Variants in NUP93 observed in about 807,000 individuals in gnomAD.
NUP93 encodes the protein nuclear pore complex protein Nup93.
NUP93 carries 55 observed loss-of-function variants against 107.8 expected under a neutral mutation model. That is an observed-to-expected ratio of 0.51 (90% CI 0.41 to 0.64). The LOEUF (loss-of-function observed/expected upper bound fraction) is 0.64, where lower values mean the gene tolerates loss of function less well. NUP93 is among the 30% of genes least tolerant of loss of function. The pLI is 0.00. For missense variants in NUP93, 937 were observed against 1,044.7 expected (o/e 0.90, Z 1.42); for synonymous variants, 390 against 397.5 (o/e 0.98, Z 0.22).
chr16:56,802,735 T>G (rs1429555539), intron 4 of NUP93, among the ~76,000 whole-genome samples: 1 of 152,240 alleles, frequency 6.6e-6, no homozygotes, highest in Non-Finnish European at 1.5e-5. Context: ...TCAGTATAAA[T>G]TATCTGTGTT....
chr16:56,770,982 G>A (rs76847162), intron 3 of NUP93, among the ~76,000 whole-genome samples: 1 of 152,080 alleles, frequency 6.6e-6, no homozygotes, highest in Non-Finnish European at 1.5e-5. Flanking sequence ...CACACAGTCT[G>A]TTCCTTTATT....
intron 2 of NUP93, among the ~76,000 whole-genome samples, chr16:56,757,951 T>C (rs75102194): frequency 0.027 from 4,136 of 152,126 alleles, 207 homozygotes; most frequent in African/African-American, 0.093. Context: ...TTAAGAGTTG[T>C]GCTGTACAAC....
In NUP93 at chr16:56,756,303, C is replaced by CT. The variant is rs201532719; in HGVS notation, c.180-2235_180-2234insT. 1.4e-4 allele frequency among the ~76,000 whole-genome samples: 12 copies of CT among 85,264 alleles called. 2 individuals carry two copies. The East Asian group carries it at 4.8e-3, about 34-fold the overall frequency. 55.9% of individuals were successfully genotyped at this position (85,264 alleles called of 152,430 possible). Reference sequence around the variant, plus strand: ...ATGCTCTCTCTCTCCTTGCCCCCCCCCCCCCCGACAGGCTCCTATGTGTGT... The same window carrying CT: ...ATGCTCTCTCTCTCCTTGCCCCCCCCTCCCCCCGACAGGCTCCTATGTGTGT... On this transcript the variant is annotated intron_variant, in intron 2 of 21. Coordinates refer to ENST00000308159, the MANE Select transcript of NUP93 (RefSeq NM_014669.5).
intron 1 of NUP93, among the ~76,000 whole-genome samples, chr16:56,732,781 G>A (rs1469485012): frequency 6.6e-6 from 1 of 152,160 alleles, no homozygotes; most frequent in Non-Finnish European, 1.5e-5. Context: ...ATCTTTCACT[G>A]GTGTGTTCAG....
intron 6 of NUP93, 67 bp downstream of exon 6, chr16:56,818,805 A>G: frequency 1.5e-6 from 2 of 1,345,884 alleles, no homozygotes; most frequent in Non-Finnish European, 2.1e-6. Context: ...AGTAAAAGGA[A>G]ACAAAAACTT....
intron 8 of NUP93, 131 bp downstream of exon 8, chr16:56,823,977 A>G (rs1461581154): frequency 1.7e-6 from 2 of 1,182,682 alleles, no homozygotes; most frequent in African/African-American, 1.5e-5. Flanking sequence ...AAATTGAACA[A>G]GGTTCAGAGT....
At chr16:56,797,451 G>GC (rs1962925137) in intron 3 of NUP93, among the ~76,000 whole-genome samples, 1 of 152,106 alleles carries the variant, frequency 6.6e-6, no homozygotes. Context: ...AAAAGAAACT[G>GC]CCCCCTTGTA....
Position 56,738,742 on chromosome 16 carries a change from T to A in NUP93, c.-15+8531T>A, listed in dbSNP as rs536325844. ...TGGAATGATATTGTCATCTAGCTAG[T>A]TTATGTATTCAAAAGAGAGGAGAAC... On this transcript the variant is annotated intron_variant, in intron 1 of 21. Coordinates refer to ENST00000308159, the MANE Select transcript of NUP93 (RefSeq NM_014669.5). 2.4e-4 allele frequency among the ~76,000 whole-genome samples: 36 copies of A among 152,270 alleles called. No individual in the cohort carries two copies. In the South Asian group the frequency reaches 6.6e-3, roughly 28 times the overall value.
intron 3 of NUP93, among the ~76,000 whole-genome samples, chr16:56,774,569 T>C (rs1281815201): frequency 6.6e-6 from 1 of 152,196 alleles, no homozygotes; most frequent in East Asian, 1.9e-4. Flanking sequence ...AATGTCTAAA[T>C]CAGTCTGCAT....
intron 3 of NUP93, among the ~76,000 whole-genome samples, chr16:56,766,768 A>G (rs760009927): frequency 2.0e-5 from 3 of 152,188 alleles, no homozygotes; most frequent in Non-Finnish European, 4.4e-5. Flanking sequence ...TTTGGGGCCC[A>G]GGTTGTTAGT....
At chr16:56,756,321 A>T (rs1343319093) in intron 2 of NUP93, among the ~76,000 whole-genome samples, 2 of 72,152 alleles carry the variant, frequency 2.8e-5, no homozygotes, top group Non-Finnish European at 4.9e-5. Context: ...ACAGGCTCCT[A>T]TGTGTGTTGT....
Position 56,782,503 on chromosome 16 carries a change from CTTCT to C in NUP93, c.298-15970_298-15967del, listed in dbSNP as rs1962535861. ...TGGTTATTGGGATTTTTGTGAACTTCTTCTTTAAGTAGCAAGTAGTGTGGTCTTT... is the reference window on the plus strand; with the variant it reads ...TGGTTATTGGGATTTTTGTGAACTTCTTAAGTAGCAAGTAGTGTGGTCTTT... On this transcript the variant is annotated intron_variant, in intron 3 of 21. Coordinates refer to ENST00000308159, the MANE Select transcript of NUP93 (RefSeq NM_014669.5). The C allele has an allele frequency of 2.0e-5, 3 of 151,400 alleles. No individual in the cohort carries two copies. The South Asian group carries it at 6.2e-4, about 31-fold the overall frequency. The allele number at this position is 151,400 out of a possible 1,614,324, so 9.4% of individuals were successfully genotyped here. A position where few individuals can be genotyped will look rare whatever the true frequency, so the allele number is the denominator to read the frequency against.
At chr16:56,733,802 C>T (rs1250790320) in intron 1 of NUP93, among the ~76,000 whole-genome samples, 1 of 152,190 alleles carries the variant, frequency 6.6e-6, no homozygotes, top group Non-Finnish European at 1.5e-5. Context: ...CTCTTCTCCC[C>T]TGAATAACAT....
intron 3 of NUP93, among the ~76,000 whole-genome samples, chr16:56,779,271 A>G (rs1236511673): frequency 1.3e-5 from 2 of 152,208 alleles, no homozygotes; most frequent in Non-Finnish European, 2.9e-5. Flanking sequence ...CAATTATTAT[A>G]GTTCTACTTG....
chr16:56,832,100 A>T, intron 11 of NUP93, 93 bp downstream of exon 11: 4 of 1,478,366 alleles, frequency 2.7e-6, no homozygotes, highest in Non-Finnish European at 3.7e-6. Flanking sequence ...TATGATGCCA[A>T]TACAGTGATC....
At position 56,830,666 on chromosome 16, in the gene NUP93, A is replaced by C; in HGVS notation, c.1066A>C (p.Met356Leu). The change falls in exon 10 of 22, where the codon ATG becomes CTG. Residue 356 changes from methionine to leucine, a missense_variant. Coordinates refer to ENST00000308159, the MANE Select transcript of NUP93 (RefSeq NM_014669.5). ...GEFKTWFQEY[M>L]NSKDRRLSPA... ...GTTTAAAACCTGGTTCCAGGAGTACATGAACAGCAAGGACAGAAGGTATGG... is the reference window on the plus strand; with the variant it reads ...GTTTAAAACCTGGTTCCAGGAGTACCTGAACAGCAAGGACAGAAGGTATGG... 1 of 1,592,060 alleles carries C rather than the reference A, an allele frequency of 6.3e-7. No individual in the cohort carries two copies. The highest frequency in any genetic ancestry group is 8.6e-7 in the Non-Finnish European group (1 of 1,163,072).
At chr16:56,797,558 C>T (rs1962927862) in intron 3 of NUP93, among the ~76,000 whole-genome samples, 1 of 152,066 alleles carries the variant, frequency 6.6e-6, no homozygotes, top group African/African-American at 2.4e-5. Context: ...CTTTTCCTGT[C>T]AGATCTCGGC....
chr16:56,772,745 T>A (rs1022823724), intron 3 of NUP93, among the ~76,000 whole-genome samples: 30 of 152,400 alleles, frequency 2.0e-4, no homozygotes, highest in African/African-American at 7.0e-4. Context: ...TGTTCTGCTC[T>A]TGTAATATGT....
chr16:56,744,149 C>T (rs372328532), intron 1 of NUP93, among the ~76,000 whole-genome samples: 38 of 152,272 alleles, frequency 2.5e-4, no homozygotes, highest in African/African-American at 7.0e-4. Context: ...TCCATAGTTC[C>T]CCAAGGATGC....
Sources: gnomAD v4.1 joint callset for allele counts (sites outside exome capture counted in the v4.1 genomes callset) on GRCh38, gnomAD v4.1.1 for gene constraint, MANE v1.5 for transcripts, NCBI Gene and HGNC (gene_info 2026-07-23, HGNC 2026-07-21) for gene names.